The following SLC38A10 variants were observed in gnomAD, a reference collection of about 807,000 sequenced individuals.
SLC38A10 encodes solute carrier family 38 member 10, also known as Sodium-coupled neutral amino acid transporter 10.
In SLC38A10, 53 loss-of-function variants were observed where a neutral mutation model predicts 81.0. The observed-to-expected ratio is 0.65, with a 90% CI of 0.53 to 0.82. The LOEUF (loss-of-function observed/expected upper bound fraction) is 0.82, where lower values mean the gene tolerates loss of function less well. SLC38A10 is among the 40% of genes least tolerant of loss of function. The pLI, the probability that SLC38A10 is intolerant of heterozygous loss-of-function variation, is 0.00. For synonymous variants in SLC38A10, 665 were observed against 655.3 expected, an observed-to-expected ratio of 1.01 and a Z score of -0.23; for missense variants, 1,471 against 1,545.0, an observed-to-expected ratio of 0.95 and a Z score of 0.80.
In SLC38A10 at chr17:81,273,558, A is replaced by G. The variant is rs187651359; in HGVS notation, c.913-931T>C. On this transcript the variant is annotated intron_variant, in intron 8 of 15. Transcript: ENST00000374759. ...CAGAACTTTCTAGAACTAGTTTTGAAGCATGCCATTTTCAGAATGGACTTT... is the reference window on the plus strand; with the variant it reads ...CAGAACTTTCTAGAACTAGTTTTGAGGCATGCCATTTTCAGAATGGACTTT... Among the ~76,000 whole-genome samples, 230 of 152,328 alleles carry G rather than the reference A, an allele frequency of 1.5e-3. 2 individuals carry two copies. Among genetic ancestry groups the G allele is most frequent in the South Asian group, 3.1e-3 (15 of 4,830 alleles).
intron 8 of SLC38A10, among the ~76,000 whole-genome samples, chr17:81,273,410 G>A (rs965732377): frequency 1.3e-5 from 2 of 152,126 alleles, no homozygotes; most frequent in Non-Finnish European, 2.9e-5. Flanking sequence ...GTGACTTCTC[G>A]GTGCCTCAGT....
At chr17:81,258,894 A>C (rs1314266723) in intron 11 of SLC38A10, among the ~76,000 whole-genome samples, 1 of 152,210 alleles carries the variant, frequency 6.6e-6, no homozygotes, top group African/African-American at 2.4e-5. Flanking sequence ...TACTGTCCCC[A>C]AGCACAGCCC....
chr17:81,245,694 A>C lies in SLC38A10; in HGVS notation c.3222T>G (p.Leu1074=), dbSNP rs370297947. ...LAPRDGVIIG[L]NPLPDVQVND... ...TCACCTGGACATCAGGCAGGGGGTT[A>C]AGGCCAATGATGACCCCATCCCTCG... Residue 1074 remains leucine, a synonymous_variant, in exon 16 of 16, where the codon CTT becomes CTG. Coordinates refer to ENST00000374759, the MANE Select transcript of SLC38A10 (RefSeq NM_001037984.3). The C allele has an allele frequency of 7.6e-6, 12 of 1,581,632 alleles. No individual in the cohort carries two copies. The African/African-American group carries it at 1.5e-4, about 19-fold the overall frequency.
chr17:81,275,101 T>G (rs1179419202), intron 8 of SLC38A10, among the ~76,000 whole-genome samples: 6 of 151,980 alleles, frequency 3.9e-5, no homozygotes, highest in African/African-American at 7.3e-5. Context: ...AAAGATGGAG[T>G]CAAGTGATGT....
At chr17:81,273,883 C>CA (rs1412168737) in intron 8 of SLC38A10, among the ~76,000 whole-genome samples, 2 of 152,176 alleles carry the variant, frequency 1.3e-5, no homozygotes, top group Non-Finnish European at 2.9e-5. Context: ...GAGAAACGCT[C>CA]ACGGCACATG....
At position 81,277,656 on chromosome 17, in the gene SLC38A10, C is replaced by T. The variant is rs1327012018; in HGVS notation, c.627-523G>A. Among the ~76,000 whole-genome samples the T allele has an allele frequency of 6.6e-6, 1 of 152,214 alleles. No individual in the cohort carries two copies. Among genetic ancestry groups the T allele is most frequent in the Non-Finnish European group, 1.5e-5 (1 of 68,030 alleles). The stretch of plus-strand genomic sequence containing the variant: ...ACTTGTGTGATGAGAAAACTGGCTT[C>T]GGTCCCACAGCCTGGTGCCAGGAGT... On this transcript the variant is annotated intron_variant, in intron 6 of 15. Transcript: ENST00000374759. This position sits in a 1 kb window ranked among gnomAD's most constrained non-coding sequence, Gnocchi z 4.5.
In SLC38A10 at chr17:81,272,562, G is replaced by C. The variant is rs770877805; in HGVS notation, c.978C>G (p.Leu326=). 3 of 1,599,160 alleles carry C rather than the reference G, an allele frequency of 1.9e-6. No individual in the cohort carries two copies. Among genetic ancestry groups the C allele is most frequent in the South Asian group, 1.1e-5 (1 of 88,480 alleles). ...MPPLRFKALT[L]SVVFGTMVGG... ...CAACCATGGTTCCAAACACCACAGAGAGGGTAAGTGCTTTAAACCGGAGAG... is the reference window on the plus strand; with the variant it reads ...CAACCATGGTTCCAAACACCACAGACAGGGTAAGTGCTTTAAACCGGAGAG... The change falls in exon 9 of 16, where the codon CTC becomes CTG. Residue 326 remains leucine, a synonymous_variant. Coordinates refer to ENST00000374759, the MANE Select transcript of SLC38A10 (RefSeq NM_001037984.3).
At chr17:81,282,368 C>T (rs751519788) in intron 4 of SLC38A10, 36 bp from the exon 5 acceptor site, 14 of 1,576,720 alleles carry the variant, frequency 8.9e-6, no homozygotes, top group South Asian at 8.0e-5. Flanking sequence ...GGCCACAGCC[C>T]GTGCCTGCTC....
Position 81,294,751 on chromosome 17 carries a change from C to A in SLC38A10, c.99+72G>T, listed in dbSNP as rs546394724. 5.7e-6 allele frequency: 8 copies of A among 1,409,380 alleles called. No homozygotes were observed. In the Admixed American group the frequency reaches 1.3e-4, roughly 22 times the overall value. The allele number at this position is 1,409,380 out of a possible 1,614,324, so 87.3% of individuals were successfully genotyped here. On this transcript the variant is annotated intron_variant, in intron 1 of 15. Transcript: ENST00000374759. ...GCCCTGCCCCGGCGGGAACTTTAAC[C>A]AGGACGACCCAGCCAGACGCCCCCT... is the stretch of plus-strand genomic sequence containing the variant.
At position 81,272,550 on chromosome 17, in the gene SLC38A10, A is replaced by C; in HGVS notation, c.990T>G (p.Phe330Leu). 1 of 1,599,064 alleles carries C rather than the reference A, an allele frequency of 6.3e-7. No individual in the cohort carries two copies. Among genetic ancestry groups the C allele is most frequent in the Non-Finnish European group, 8.5e-7 (1 of 1,173,864 alleles). The change falls in exon 9 of 16, where the codon TTT becomes TTG. Residue 330 changes from phenylalanine (F) to leucine (L), a missense_variant. Coordinates refer to ENST00000374759, the MANE Select transcript of SLC38A10 (RefSeq NM_001037984.3). ...TAAGGATGCCACCAACCATGGTTCCAAACACCACAGAGAGGGTAAGTGCTT... is the reference window on the plus strand; with the variant it reads ...TAAGGATGCCACCAACCATGGTTCCCAACACCACAGAGAGGGTAAGTGCTT... ...RFKALTLSVV[F>L]GTMVGGILIP...
rs1046483723 is a variant in SLC38A10 at position 81,270,274 on chromosome 17, T to G, written c.1131+644A>C. Reference sequence around the variant, plus strand: ...TTCTAGAAGGCTTCCTACAGACGCGTGCTCAAATACGTCGACATGCTCATG... The same window carrying G: ...TTCTAGAAGGCTTCCTACAGACGCGGGCTCAAATACGTCGACATGCTCATG... On this transcript the variant is annotated intron_variant, in intron 10 of 15. Transcript: ENST00000374759. This position sits in a 1 kb window ranked among gnomAD's most constrained non-coding sequence, Gnocchi z 4.0. 2.0e-5 allele frequency among the ~76,000 whole-genome samples: 3 copies of G among 152,146 alleles called. No individual in the cohort carries two copies. Among genetic ancestry groups the G allele is most frequent in the African/African-American group, 7.2e-5 (3 of 41,414 alleles).
chr17:81,256,918 G>A (rs1303595651), intron 11 of SLC38A10, among the ~76,000 whole-genome samples: 5 of 152,290 alleles, frequency 3.3e-5, no homozygotes, highest in African/African-American at 4.8e-5. Context: ...TACAGCCTCC[G>A]GCAGGCGGAA....
At position 81,281,114 on chromosome 17, in the gene SLC38A10, A is replaced by C. The variant is rs1051002207; in HGVS notation, c.502-381T>G. Among the ~76,000 whole-genome samples, 2 of 152,194 alleles carry C rather than the reference A, an allele frequency of 1.3e-5. No individual in the cohort carries two copies. The highest frequency in any genetic ancestry group is 4.8e-5 in the African/African-American group (2 of 41,444). On this transcript the variant is annotated intron_variant, in intron 5 of 15. Coordinates refer to ENST00000374759, the MANE Select transcript of SLC38A10 (RefSeq NM_001037984.3). The surrounding 1 kb of genome is among the most constrained non-coding windows in gnomAD (Gnocchi z 5.3). ...GTCCCTCCCCATCTTGTACTGTGTT[A>C]GACATGGACATTTTCCAAAAGACTG...
In SLC38A10 at chr17:81,277,110, C is replaced by T; in HGVS notation, c.650G>A (p.Ser217Asn). 1 of 1,614,036 alleles carries T rather than the reference C, an allele frequency of 6.2e-7. No individual in the cohort carries two copies. Among genetic ancestry groups the T allele is most frequent in the South Asian group, 1.1e-5 (1 of 91,082 alleles). Residue 217 changes from serine to asparagine, a missense_variant, in exon 7 of 16, where the codon AGC (serine) becomes AAC (asparagine). Around this residue, in one of 2 missense-constraint regions of SLC38A10, gnomAD observed 720 missense variants for 827.7 expected, o/e 0.87. Transcript: ENST00000374759. The surrounding 1 kb of genome is among the most constrained non-coding windows in gnomAD (Gnocchi z 4.5). ...GGTTTTCACTGACGGCTCATCCAGG[C>T]TGTCGTAGGTGGGCAGCACCTGGCT... is the stretch of plus-strand genomic sequence containing the variant. ...CQSQVLPTYD[S>N]LDEPSVKTMS...
At chr17:81,257,741 C>T (rs1421752332) in intron 11 of SLC38A10, among the ~76,000 whole-genome samples, 1 of 152,258 alleles carries the variant, frequency 6.6e-6, no homozygotes, top group Non-Finnish European at 1.5e-5. Context: ...CATTCTGGGT[C>T]CCTTCTCAGC....
At chr17:81,282,569 C>A (rs746345723) in intron 4 of SLC38A10, among the ~76,000 whole-genome samples, 1 of 152,232 alleles carries the variant, frequency 6.6e-6, no homozygotes, top group Non-Finnish European at 1.5e-5. Flanking sequence ...AGCCCCACAG[C>A]GAGACCAGCC....
At chr17:81,273,508 C>T (rs992125784) in intron 8 of SLC38A10, among the ~76,000 whole-genome samples, 1 of 152,228 alleles carries the variant, frequency 6.6e-6, no homozygotes, top group Non-Finnish European at 1.5e-5. Context: ...GCCGTGATGA[C>T]TCTCCCTGGG....
Position 81,283,771 on chromosome 17 carries a change from G to A in SLC38A10, c.264-269C>T, listed in dbSNP as rs552771816. 2.2e-3 allele frequency among the ~76,000 whole-genome samples: 333 copies of A among 151,858 alleles called. No homozygotes were observed. The highest frequency in any genetic ancestry group is 7.7e-3 in the African/African-American group (319 of 41,468). ...TGGGAGTAGCCGAGTAGCCACGCCC[G>A]GCTAATTGTTTGTATTTTTAGTAGA... On this transcript the variant is annotated intron_variant, in intron 3 of 15. Transcript: ENST00000374759. The surrounding 1 kb of genome is among the most constrained non-coding windows in gnomAD (Gnocchi z 4.7).
chr17:81,269,046 GA>G, intron 10 of SLC38A10, among the ~76,000 whole-genome samples: 1 of 152,156 alleles, frequency 6.6e-6, no homozygotes, highest in Non-Finnish European at 1.5e-5. Context: ...TATTTAACAC[GA>G]TAAAAGACAA....
Sources: allele counts gnomAD v4.1 joint callset (sites outside exome capture counted in the v4.1 genomes callset), GRCh38; gene constraint gnomAD v4.1.1; regional missense constraint gnomAD v4.1.1; non-coding constraint Gnocchi (gnomAD v3.1); transcripts MANE v1.5; gene names NCBI Gene and HGNC (gene_info 2026-07-23, HGNC 2026-07-21).